ARL15: variants seen among roughly 807,000 people sequenced by gnomAD.
ARL15 encodes the protein ADP-ribosylation factor-like protein 15.
Under a neutral mutation model 25.2 loss-of-function variants are expected in ARL15, and 19 were observed. The ratio of observed to expected loss-of-function variants is 0.75; its 90% confidence interval spans 0.53 to 1.10. The LOEUF is 1.10. Ranked by LOEUF, ARL15 falls within the 50% of genes least tolerant of loss-of-function variation. ARL15 has a pLI of 0.00. For missense variants in ARL15, 220 were observed against 246.0 expected, an observed-to-expected ratio of 0.89 and a Z score of 0.71; for synonymous variants, 94 against 86.8, an observed-to-expected ratio of 1.08 and a Z score of -0.46.
chr5:54,113,833 C>A (rs560309475), intron 3 of ARL15, among the ~76,000 whole-genome samples: 2 of 152,192 alleles, frequency 1.3e-5, no homozygotes, highest in African/African-American at 2.4e-5. Context: ...TCTTTCCAAA[C>A]CATTAACATT....
intron 1 of ARL15, among the ~76,000 whole-genome samples, chr5:54,247,703 G>C (rs1211118045): frequency 6.6e-6 from 1 of 151,958 alleles, no homozygotes; most frequent in East Asian, 1.9e-4. Flanking sequence ...AAATGGAACA[G>C]GTGAGTCTAT....
At chr5:53,973,655 G>C (rs940350368) in intron 4 of ARL15, among the ~76,000 whole-genome samples, 2 of 151,538 alleles carry the variant, frequency 1.3e-5, no homozygotes, top group Non-Finnish European at 2.9e-5. Flanking sequence ...GAGGTGGGAG[G>C]ATCACTTGAG....
At chr5:54,256,612 A>T (rs1178836161) in intron 1 of ARL15, among the ~76,000 whole-genome samples, 1 of 81,854 alleles carries the variant, frequency 1.2e-5, no homozygotes. Context: ...GAAAGAATGT[A>T]AAAAAAAAAA....
intron 4 of ARL15, among the ~76,000 whole-genome samples, chr5:53,927,163 C>T (rs1001745314): frequency 1.5e-4 from 23 of 152,118 alleles, no homozygotes; most frequent in African/African-American, 5.6e-4. Context: ...GCAGTGAGGG[C>T]GTGAATAGGA....
At chr5:53,961,042 T>G (rs1382897872) in intron 4 of ARL15, among the ~76,000 whole-genome samples, 1 of 152,152 alleles carries the variant, frequency 6.6e-6, no homozygotes, top group African/African-American at 2.4e-5. Flanking sequence ...AGTTTCTCTA[T>G]CTACATCCAG....
At chr5:54,206,090 T>A (rs949860901) in intron 1 of ARL15, among the ~76,000 whole-genome samples, 2 of 152,164 alleles carry the variant, frequency 1.3e-5, no homozygotes, top group Non-Finnish European at 2.9e-5. Flanking sequence ...AACCAAACAG[T>A]GGCAGTAATA....
chr5:54,206,587 A>C (rs1383975571), intron 1 of ARL15, among the ~76,000 whole-genome samples: 7 of 152,222 alleles, frequency 4.6e-5, no homozygotes, highest in African/African-American at 1.2e-4. Context: ...TGTGGGGGAT[A>C]AGAAAACAAA....
At chr5:54,210,922 C>T (rs974206565) in intron 1 of ARL15, among the ~76,000 whole-genome samples, 2 of 152,178 alleles carry the variant, frequency 1.3e-5, no homozygotes, top group African/African-American at 4.8e-5. Flanking sequence ...TGCAATAACA[C>T]ATTACAGAGT....
chr5:53,963,397 T>C (rs991938479), intron 4 of ARL15, among the ~76,000 whole-genome samples: 12 of 152,178 alleles, frequency 7.9e-5, no homozygotes, highest in Non-Finnish European at 1.5e-4. Context: ...CAGAAACTCA[T>C]AGGGTCTTCT....
chr5:53,937,457 A>G (rs1746388831), intron 4 of ARL15, among the ~76,000 whole-genome samples: 2 of 152,228 alleles, frequency 1.3e-5, no homozygotes, highest in South Asian at 4.1e-4. Context: ...GACGTGCCAA[A>G]TAAGTACAGT....
At chr5:54,036,647 C>A (rs369629881) in intron 4 of ARL15, among the ~76,000 whole-genome samples, 2 of 152,138 alleles carry the variant, frequency 1.3e-5, no homozygotes, top group South Asian at 4.1e-4. Context: ...TTGTCAGATA[C>A]TTAATGTGGC....
chr5:54,199,018 A>G (rs892243598), intron 1 of ARL15, among the ~76,000 whole-genome samples: 6 of 151,782 alleles, frequency 4.0e-5, no homozygotes, highest in Middle Eastern at 3.4e-3. Context: ...CTGATCTTTG[A>G]CAAACCTGAG....
At chr5:53,981,281 T>G (rs1386936250) in intron 4 of ARL15, among the ~76,000 whole-genome samples, 1 of 152,166 alleles carries the variant, frequency 6.6e-6, no homozygotes, top group Non-Finnish European at 1.5e-5. Flanking sequence ...AAAGAATATG[T>G]GAGAATGGTA....
At chr5:54,248,205 G>A (rs1449229284) in intron 1 of ARL15, among the ~76,000 whole-genome samples, 1 of 152,114 alleles carries the variant, frequency 6.6e-6, no homozygotes, top group Non-Finnish European at 1.5e-5. Context: ...GAGCATTTGG[G>A]AAATAACTGG....
At chr5:54,080,876 G>A (rs770697613) in intron 4 of ARL15, among the ~76,000 whole-genome samples, 2 of 152,134 alleles carry the variant, frequency 1.3e-5, no homozygotes, top group African/African-American at 2.4e-5. Context: ...AGTTTTCCAG[G>A]AAGTCCACGA....
chr5:53,978,703 T>C lies in ARL15; in HGVS notation c.463-91990A>G, dbSNP rs1748026122. On this transcript the variant is annotated intron_variant, in intron 4 of 4. Coordinates refer to ENST00000504924, the MANE Select transcript of ARL15 (RefSeq NM_019087.3). ...AGAGGTATGCTAAAGTCCAGTATTC[T>C]GAGAAACGTTCATATAAGAATATAT... Among the ~76,000 whole-genome samples the C allele has an allele frequency of 6.6e-5, 10 of 151,472 alleles. No homozygotes were observed. In the South Asian group the frequency reaches 2.1e-3, roughly 31 times the overall value.
At chr5:53,891,582 G>A (rs920366499) in intron 4 of ARL15, among the ~76,000 whole-genome samples, 13 of 152,126 alleles carry the variant, frequency 8.5e-5, no homozygotes, top group African/African-American at 3.1e-4. Flanking sequence ...ACCCTGTATG[G>A]GGCTATTAGC....
chr5:53,951,968 T>C (rs1053138023), intron 4 of ARL15, among the ~76,000 whole-genome samples: 2 of 151,098 alleles, frequency 1.3e-5, no homozygotes, highest in South Asian at 2.1e-4. Context: ...TTGGAAATTG[T>C]GTGTGAAAGA....
At chr5:54,137,859 T>C (rs1417621332) in intron 3 of ARL15, among the ~76,000 whole-genome samples, 1 of 150,512 alleles carries the variant, frequency 6.6e-6, no homozygotes, top group Non-Finnish European at 1.5e-5. Flanking sequence ...TCCCGTAACA[T>C]GGATTTTAAG....
Sources: allele counts gnomAD v4.1 joint callset (sites outside exome capture counted in the v4.1 genomes callset), GRCh38; gene constraint gnomAD v4.1.1; transcripts MANE v1.5; gene names NCBI Gene and HGNC (gene_info 2026-07-23, HGNC 2026-07-21).